Variants in ABCA7 observed in about 807,000 individuals in gnomAD.
The protein encoded by ABCA7 is phospholipid-transporting ATPase ABCA7.
In ABCA7, 261 loss-of-function variants were observed where a neutral mutation model predicts 227.6. The observed-to-expected ratio is 1.15, with a 90% CI of 1.04 to 1.27. ABCA7 has a LOEUF of 1.27. Ranked by LOEUF, ABCA7 falls within the 50% of genes most tolerant of loss-of-function variation. The probability of loss-of-function intolerance (pLI) is 0.00; values close to 1 mark genes in which losing one functional copy is unlikely to be tolerated. For missense variants in ABCA7, 3,331 were observed against 2,924.5 expected (o/e 1.14, Z -3.21); for synonymous variants, 1,488 against 1,279.7 (o/e 1.16, Z -3.47).
At position 1,042,151 on chromosome 19, in the gene ABCA7, C is replaced by T; in HGVS notation, c.390C>T (p.Ala130=). The change falls in exon 5 of 47, where the codon GCC becomes GCT. Residue 130 remains alanine (A), a synonymous_variant. Coordinates refer to ENST00000263094, the MANE Select transcript of ABCA7 (RefSeq NM_019112.4). ...RTLAGLGKLI[A]TLRAARSTAQ... The stretch of plus-strand genomic sequence containing the variant: ...TGGCTGGCCTAGGGAAGCTGATCGC[C>T]ACGCTGAGGGCTGCACGCAGCACGG... 6.2e-7 allele frequency: 1 copy of T among 1,600,114 alleles called. No individual in the cohort carries two copies. Among genetic ancestry groups the T allele is most frequent in the Middle Eastern group, 1.7e-4 (1 of 6,052 alleles).
In ABCA7 at chr19:1,046,935, C is replaced by T. The variant is rs768028295; in HGVS notation, c.1756C>T (p.Leu586Phe). The change falls in exon 14 of 47, where the codon CTC becomes TTC. Residue 586 changes from leucine (L) to phenylalanine (F), a missense_variant. Coordinates refer to ENST00000263094, the MANE Select transcript of ABCA7 (RefSeq NM_019112.4). The stretch of plus-strand genomic sequence containing the variant: ...GCGGGACACCATGCGCGCCATGGGG[C>T]TCAGCCGCGCGGTGCTCTGGCTAGG... ...RLRDTMRAMGLSRAVLWLGWF... is the reference protein window; with the variant it reads ...RLRDTMRAMGFSRAVLWLGWF... 43 of 1,563,908 alleles carry T rather than the reference C, an allele frequency of 2.7e-5. No individual in the cohort carries two copies. In the Middle Eastern group the frequency reaches 1.2e-3, roughly 42 times the overall value.
At chr19:1,046,207 C>T in intron 12 of ABCA7, 23 bp from the exon 13 acceptor site, 2 of 1,602,378 alleles carry the variant, frequency 1.2e-6, no homozygotes, top group Non-Finnish European at 1.7e-6. Flanking sequence ...TCCCTACAAC[C>T]GGCCACCATG....
intron 44 of ABCA7, 91 bp downstream of exon 44, chr19:1,063,954 G>A (rs867628463): frequency 3.3e-5 from 48 of 1,434,452 alleles, no homozygotes; most frequent in Non-Finnish European, 3.9e-5. Flanking sequence ...GGGATGGGGG[G>A]TCCTGGCCCT....
chr19:1,046,481 T>C (rs2040682457), intron 13 of ABCA7, 75 bp downstream of exon 13: 2 of 1,498,538 alleles, frequency 1.3e-6, no homozygotes, highest in Admixed American at 4.4e-5. Flanking sequence ...CCAGGCTCTG[T>C]TGGGAACCTT....
chr19:1,060,207 A>ATATATT lies in ABCA7; in HGVS notation c.5463+1123_5463+1124insATATTT. ...AGCACACATTGCAGTATATATATAT[A>ATATATT]TTTTTTTTTCTTTTTTTTTCTTTTG... On this transcript the variant is annotated intron_variant, in intron 40 of 46. Transcript: ENST00000263094. 9.3e-5 allele frequency among the ~76,000 whole-genome samples: 9 copies of ATATATT among 96,768 alleles called. 1 individual carries two copies. Among genetic ancestry groups the ATATATT allele is most frequent in the African/African-American group, 3.1e-4 (9 of 28,698 alleles). The allele number at this position is 96,768 out of a possible 152,430, so 63.5% of individuals were successfully genotyped here.
chr19:1,056,098 C>T lies in ABCA7; in HGVS notation c.4271C>T (p.Pro1424Leu). The change falls in exon 32 of 47, where the codon CCA becomes CTA. Residue 1424 changes from proline (P) to leucine (L), a missense_variant. Physicochemically the swap from Pro to Leu is moderately conservative, Grantham distance 98. Coordinates refer to ENST00000263094, the MANE Select transcript of ABCA7 (RefSeq NM_019112.4). This position sits in a 1 kb window ranked among gnomAD's most constrained non-coding sequence, Gnocchi z 4.3. ...GGCTTCTCGCTGGGGGGCCGAGACC[C>T]AGGCCTGCCCTCGGGCCAAGAGTTG... is the stretch of plus-strand genomic sequence containing the variant. Reference protein sequence around the residue: ...YGGFSLGGRDPGLPSGQELGR... With the variant: ...YGGFSLGGRDLGLPSGQELGR... The T allele has an allele frequency of 6.2e-7, 1 of 1,604,040 alleles. No individual in the cohort carries two copies. Among genetic ancestry groups the T allele is most frequent in the Non-Finnish European group, 8.5e-7 (1 of 1,174,720 alleles).
chr19:1,044,905 G>A (rs1385759539), intron 11 of ABCA7, 97 bp from the exon 12 acceptor site: 3 of 1,525,300 alleles, frequency 2.0e-6, no homozygotes, highest in Admixed American at 3.6e-5. Context: ...CCTACGAGGG[G>A]AAAACATGGC....
In ABCA7 at chr19:1,044,596, A is replaced by T; in HGVS notation, c.1067A>T (p.Asp356Val). 6.2e-7 allele frequency: 1 copy of T among 1,612,578 alleles called. No individual in the cohort carries two copies. The highest frequency in any genetic ancestry group is 1.3e-5 in the African/African-American group (1 of 75,042). ...CCCCAGCGGCTCCTGCAGATGCAGG[A>T]TGAAGGAAGAAGGCAGCCCAGACCT... is the stretch of plus-strand genomic sequence containing the variant. ...AMLQRLLQMQ[D>V]EGRRQPRPGG... is the part of the protein sequence containing the mutation. The change falls in exon 11 of 47, where the codon GAT becomes GTT. Residue 356 changes from aspartate (D) to valine (V), a missense_variant. Physicochemically the swap from Asp to Val is radical, Grantham distance 152. Coordinates refer to ENST00000263094, the MANE Select transcript of ABCA7 (RefSeq NM_019112.4).
In ABCA7 at chr19:1,045,140, C is replaced by G; in HGVS notation, c.1354C>G (p.His452Asp). Residue 452 changes from histidine (H) to aspartate (D), a missense_variant, in exon 12 of 47, where the codon CAC becomes GAC. By Grantham distance (81) the His-to-Asp change is moderately conservative. Transcript: ENST00000263094. ...TGAGGACTCTTCAGACCCCACAGAG[C>G]ACCCAACCCCAGACCTGGGCCCCGG... ...GPEDSSDPTE[H>D]PTPDLGPGHV... The G allele has an allele frequency of 1.2e-6, 2 of 1,612,920 alleles. No individual in the cohort carries two copies. The highest frequency in any genetic ancestry group is 1.7e-6 in the Non-Finnish European group (2 of 1,179,980).
chr19:1,050,232 A>T (rs1472981433), intron 18 of ABCA7, among the ~76,000 whole-genome samples: 1 of 151,536 alleles, frequency 6.6e-6, no homozygotes, highest in African/African-American at 2.4e-5. Flanking sequence ...CCAATATGGC[A>T]AAACCATCTC....
rs9282558 is a variant in ABCA7, at chr19:1,051,707, C to T, written c.2962+121C>T. 7,183 of 1,084,844 alleles carry T rather than the reference C, an allele frequency of 6.6e-3. 195 individuals are homozygous for T. The highest frequency in any genetic ancestry group is 0.054 in the South Asian group (3,536 of 65,298). 67.2% of individuals were successfully genotyped at this position (1,084,844 alleles called of 1,614,324 possible). ...ATGTGGACCCCACTTGTTGCTATGGCATTTAGGGGCTACTGCTCAAATACC... is the reference window on the plus strand; with the variant it reads ...ATGTGGACCCCACTTGTTGCTATGGTATTTAGGGGCTACTGCTCAAATACC... On this transcript the variant is annotated intron_variant, in intron 21 of 46. Coordinates refer to ENST00000263094, the MANE Select transcript of ABCA7 (RefSeq NM_019112.4).
chr19:1,062,300 C>T lies in ABCA7; in HGVS notation c.5699C>T (p.Ala1900Val). The T allele has an allele frequency of 6.2e-7, 1 of 1,604,026 alleles. No homozygotes were observed. The highest frequency in any genetic ancestry group is 8.5e-7 in the Non-Finnish European group (1 of 1,179,454). Residue 1900 changes from alanine (A) to valine (V), a missense_variant, in exon 42 of 47, where the codon GCC (alanine) becomes GTC (valine). Coordinates refer to ENST00000263094, the MANE Select transcript of ABCA7 (RefSeq NM_019112.4). ...GCGCGCCTGCGCGGTGTCCCGGAGG[C>T]CCAGGTTGCCCAGGTGAGCCCACTT... ...LLARLRGVPE[A>V]QVAQTAGSGL...
chr19:1,053,955 C>A lies in ABCA7; in HGVS notation c.3473-51C>A, dbSNP rs2042011451. 6 of 1,607,366 alleles carry A rather than the reference C, an allele frequency of 3.7e-6. No individual in the cohort carries two copies. In the East Asian group the frequency reaches 1.3e-4, roughly 36 times the overall value. On this transcript the variant is annotated intron_variant, in intron 25 of 46. Coordinates refer to ENST00000263094, the MANE Select transcript of ABCA7 (RefSeq NM_019112.4). ...CTTTACCCTATACCTGATTCCTGAT[C>A]CCCCAATCCGTGACCCTCAACTTTG...
rs771429305 is a variant in ABCA7 at position 1,058,078 on chromosome 19, G to C, written c.5025+19G>C. On this transcript the variant is annotated intron_variant, in intron 36 of 46. Transcript: ENST00000263094. ...TGATCAGGTGGGGCACCACGAGGCT[G>C]GGGCTTGGGCTGGGTTGGGTCGTTG... is the stretch of plus-strand genomic sequence containing the variant. 15 of 1,614,010 alleles carry C rather than the reference G, an allele frequency of 9.3e-6. 1 individual carries two copies. The highest frequency in any genetic ancestry group is 6.7e-5 in the Admixed American group (4 of 60,018).
intron 30 of ABCA7, 107 bp downstream of exon 30, chr19:1,055,458 T>TAGCCCCAAGC: frequency 7.4e-7 from 1 of 1,342,958 alleles, no homozygotes; most frequent in Non-Finnish European, 9.8e-7. Context: ...GATGCCCAGC[T>TAGCCCCAAGC]TGGGGCTACG....
intron 19 of ABCA7, 29 bp from the exon 20 acceptor site, chr19:1,051,126 G>A (rs1265634960): frequency 6.2e-7 from 1 of 1,609,798 alleles, no homozygotes; most frequent in Admixed American, 1.7e-5. Flanking sequence ...CTGCCATGTG[G>A]GTCACTCTGC....
rs758599898 is a variant in ABCA7, at chr19:1,065,121, G to A, written c.6235G>A (p.Ala2079Thr). Reference sequence around the variant, plus strand: ...CTTTGGAGAGCTGGCGGTGCACGGCGCAGAGCACGGCGTGGAGGACTTTTC... The same window carrying A: ...CTTTGGAGAGCTGGCGGTGCACGGCACAGAGCACGGCGTGGAGGACTTTTC... ...RVFGELAVHG[A>T]EHGVEDFSVS... The change falls in exon 46 of 47, where the codon GCA (alanine) becomes ACA (threonine). Residue 2079 changes from alanine (A) to threonine (T), a missense_variant. By Grantham distance (58) the Ala-to-Thr change is moderately conservative. Coordinates refer to ENST00000263094, the MANE Select transcript of ABCA7 (RefSeq NM_019112.4). 3 of 1,589,578 alleles carry A rather than the reference G, an allele frequency of 1.9e-6. No homozygotes were observed. The highest frequency in any genetic ancestry group is 2.3e-5 in the East Asian group (1 of 43,752).
At chr19:1,042,564 T>A in intron 6 of ABCA7, 167 bp downstream of exon 6, 1 of 1,034,182 alleles carries the variant, frequency 9.7e-7, no homozygotes, top group South Asian at 1.3e-5. Flanking sequence ...AGAGTGTGTC[T>A]GACCCAGTGA....
chr19:1,065,404 C>T lies in ABCA7; in HGVS notation c.6420C>T (p.Ser2140=), dbSNP rs757973531. ...KRVSQFLDDP[S]TAETVL ...TCAGCCAGTTCCTCGATGACCCTAGCACTGCCGAGACTGTGCTCTGAGCCT... is the reference window on the plus strand; with the variant it reads ...TCAGCCAGTTCCTCGATGACCCTAGTACTGCCGAGACTGTGCTCTGAGCCT... Residue 2140 remains serine (S), a synonymous_variant, in exon 47 of 47, where the codon AGC becomes AGT. Coordinates refer to ENST00000263094, the MANE Select transcript of ABCA7 (RefSeq NM_019112.4). The T allele has an allele frequency of 2.9e-5, 47 of 1,613,432 alleles. No homozygotes were observed. Among genetic ancestry groups the T allele is most frequent in the Non-Finnish European group, 3.9e-5 (46 of 1,179,944 alleles).
Sources: allele counts gnomAD v4.1 joint callset (sites outside exome capture counted in the v4.1 genomes callset), GRCh38; gene constraint gnomAD v4.1.1; non-coding constraint Gnocchi (gnomAD v3.1); transcripts MANE v1.5; gene names NCBI Gene and HGNC (gene_info 2026-07-23, HGNC 2026-07-21).